The following JARID2 variants were observed in gnomAD, a reference collection of about 807,000 sequenced individuals.
The protein encoded by JARID2 is protein Jumonji.
JARID2 carries 21 observed loss-of-function variants against 125.6 expected under a neutral mutation model. The observed-to-expected ratio is 0.17, with a 90% CI of 0.12 to 0.24. The LOEUF (loss-of-function observed/expected upper bound fraction) is 0.24. Among genes scored for constraint, JARID2 ranks in the 10% least tolerant of loss-of-function variants. The probability of loss-of-function intolerance (pLI) is 1.00; values close to 1 mark genes in which losing one functional copy is unlikely to be tolerated. For missense variants in JARID2, 1,303 were observed against 1,639.6 expected, an observed-to-expected ratio of 0.79 and a Z score of 3.55; for synonymous variants, 736 against 661.6, an observed-to-expected ratio of 1.11 and a Z score of -1.73.
chr6:15,366,551 A>G lies in JARID2; in HGVS notation c.46-7566A>G, dbSNP rs1057424736. ...GTGGGGGGTGGGGTTGGCAACTCCA[A>G]TTGCCATGTCTTAGCATTTCTGTGA... On this transcript the variant is annotated intron_variant, in intron 1 of 17. Transcript: ENST00000341776. Among the ~76,000 whole-genome samples the G allele has an allele frequency of 2.6e-3, 385 of 149,184 alleles. 4 individuals carry two copies. The highest frequency in any genetic ancestry group is 8.8e-3 in the African/African-American group (359 of 40,622).
chr6:15,278,704 C>A (rs966026147), intron 1 of JARID2, among the ~76,000 whole-genome samples: 8 of 152,200 alleles, frequency 5.3e-5, no homozygotes, highest in Admixed American at 4.6e-4. Flanking sequence ...CATGCTCCCC[C>A]ATCCCTGCCA....
At chr6:15,316,370 C>T (rs1050854251) in intron 1 of JARID2, among the ~76,000 whole-genome samples, 5 of 152,264 alleles carry the variant, frequency 3.3e-5, no homozygotes, top group Admixed American at 1.3e-4. Context: ...CCACCATACC[C>T]GGCCAGATTC....
chr6:15,266,335 G>C (rs1343003107), intron 1 of JARID2, among the ~76,000 whole-genome samples: 1 of 152,188 alleles, frequency 6.6e-6, no homozygotes, highest in Non-Finnish European at 1.5e-5. Flanking sequence ...AACAACATAA[G>C]TAATAGTTTA....
intron 6 of JARID2, among the ~76,000 whole-genome samples, chr6:15,490,789 C>T (rs943475542): frequency 6.6e-6 from 1 of 152,208 alleles, no homozygotes; most frequent in Non-Finnish European, 1.5e-5. Flanking sequence ...AGCTTTATTT[C>T]TAGCAAGGGT....
intron 1 of JARID2, among the ~76,000 whole-genome samples, chr6:15,355,170 T>C (rs1763556178): frequency 6.6e-6 from 1 of 152,218 alleles, no homozygotes; most frequent in Non-Finnish European, 1.5e-5. Context: ...TAGTATAAGT[T>C]ATAAAGGAAT....
At chr6:15,488,244 T>G (rs1271316880) in intron 6 of JARID2, among the ~76,000 whole-genome samples, 1 of 152,216 alleles carries the variant, frequency 6.6e-6, no homozygotes, top group African/African-American at 2.4e-5. Context: ...ATTATTGCTG[T>G]CCAGATGTTC....
intron 3 of JARID2, among the ~76,000 whole-genome samples, chr6:15,447,629 C>T (rs1026159522): frequency 3.9e-5 from 6 of 152,214 alleles, no homozygotes; most frequent in African/African-American, 1.4e-4. Flanking sequence ...TCTTTTATCC[C>T]AGTTCTTTTC....
intron 1 of JARID2, among the ~76,000 whole-genome samples, chr6:15,303,420 G>C (rs757204082): frequency 1.3e-5 from 2 of 152,258 alleles, no homozygotes; most frequent in African/African-American, 2.4e-5. Context: ...AATCCTGCAC[G>C]GGCAGTGTGG....
At chr6:15,287,613 G>GT (rs1183304643) in intron 1 of JARID2, among the ~76,000 whole-genome samples, 1 of 152,182 alleles carries the variant, frequency 6.6e-6, no homozygotes, top group East Asian at 1.9e-4. Flanking sequence ...ATATGGGACT[G>GT]TTTCCCTATT....
intron 1 of JARID2, among the ~76,000 whole-genome samples, chr6:15,367,425 C>T (rs1357307230): frequency 3.9e-5 from 6 of 152,290 alleles, no homozygotes; most frequent in Non-Finnish European, 5.9e-5. Context: ...TCTATCCCCA[C>T]TACTAATAAT....
At chr6:15,274,378 CTAGAGAAATGGGATTGT>C (rs1282385710) in intron 1 of JARID2, among the ~76,000 whole-genome samples, 2 of 152,032 alleles carry the variant, frequency 1.3e-5, no homozygotes, top group African/African-American at 4.8e-5. Context: ...TTTTTATCTG[CTAGAGAAATGGGATTGT>C]TTTTAATTTT....
At chr6:15,504,034 A>T (rs765102325) in intron 8 of JARID2, among the ~76,000 whole-genome samples, 12 of 152,180 alleles carry the variant, frequency 7.9e-5, no homozygotes, top group Admixed American at 3.9e-4. Context: ...CAGGGTGTAG[A>T]TGTCGCACCA....
intron 1 of JARID2, among the ~76,000 whole-genome samples, chr6:15,313,926 A>G (rs932105503): frequency 3.9e-5 from 6 of 152,056 alleles, no homozygotes; most frequent in African/African-American, 1.5e-4. Flanking sequence ...AAATATCCTT[A>G]TACCTTCTGC....
chr6:15,297,700 C>T (rs949468254), intron 1 of JARID2, among the ~76,000 whole-genome samples: 3 of 152,098 alleles, frequency 2.0e-5, no homozygotes, highest in Non-Finnish European at 1.5e-5. Context: ...AAGCTCACCT[C>T]ATCCTTTCCT....
chr6:15,367,677 T>TCC (rs748079957), intron 1 of JARID2, among the ~76,000 whole-genome samples: 2 of 152,220 alleles, frequency 1.3e-5, no homozygotes, highest in African/African-American at 2.4e-5. Flanking sequence ...TTACTTCGTT[T>TCC]CCCCCATACC....
At chr6:15,272,264 A>G (rs1760327553) in intron 1 of JARID2, among the ~76,000 whole-genome samples, 1 of 152,222 alleles carries the variant, frequency 6.6e-6, no homozygotes, top group Non-Finnish European at 1.5e-5. Context: ...TTCAGTTTTC[A>G]TTCTGGAAGG....
intron 1 of JARID2, among the ~76,000 whole-genome samples, chr6:15,339,446 A>G (rs1581430450): frequency 6.6e-6 from 1 of 152,250 alleles, no homozygotes; most frequent in East Asian, 1.9e-4. Flanking sequence ...TCTCTTATAA[A>G]AAAGAGAGAA....
chr6:15,429,678 G>A (rs1337037247), intron 3 of JARID2, among the ~76,000 whole-genome samples: 4 of 152,168 alleles, frequency 2.6e-5, no homozygotes, highest in Non-Finnish European at 5.9e-5. Flanking sequence ...GTATGCACAC[G>A]TGTGTGTGTC....
chr6:15,282,594 C>T (rs1035499327), intron 1 of JARID2, among the ~76,000 whole-genome samples: 1 of 149,230 alleles, frequency 6.7e-6, no homozygotes, highest in African/African-American at 2.4e-5. Context: ...CCCCTCTCCT[C>T]TCTTTCTTCC....
Sources: allele counts gnomAD v4.1 joint callset (sites outside exome capture counted in the v4.1 genomes callset), GRCh38; gene constraint gnomAD v4.1.1; transcripts MANE v1.5; gene names NCBI Gene and HGNC (gene_info 2026-07-23, HGNC 2026-07-21).